The following FRMPD3 variants were observed in gnomAD, a reference collection of about 807,000 sequenced individuals.
The protein encoded by FRMPD3 is FERM and PDZ domain-containing protein 3.
In FRMPD3, 42 loss-of-function variants were observed where a neutral mutation model predicts 97.9. The observed-to-expected ratio is 0.43, with a 90% confidence interval of 0.34 to 0.55. The LOEUF is 0.55. FRMPD3 is among the 20% of genes least tolerant of loss of function. FRMPD3 has a pLI of 0.03. For synonymous variants in FRMPD3, 577 were observed against 581.1 expected, an observed-to-expected ratio of 0.99 and a Z score of 0.10; for missense variants, 1,303 against 1,457.7, an observed-to-expected ratio of 0.89 and a Z score of 1.73.
intron 13 of FRMPD3, among the ~76,000 whole-genome samples, chrX:107,587,971 C>T (rs1923734066): frequency 1.8e-5 from 2 of 110,482 alleles, no homozygotes; most frequent in South Asian, 7.8e-4. Flanking sequence ...GAGAGAGTTT[C>T]ACCATGTTGG....
chrX:107,473,003 T>C (rs1278123949), intron 1 of FRMPD3, among the ~76,000 whole-genome samples: 1 of 112,363 alleles, frequency 8.9e-6, no homozygotes, highest in Non-Finnish European at 1.9e-5. Context: ...GGGGCAGGTC[T>C]CTCCTGGAAC....
chrX:107,599,291 AAAGAG>A (rs1040887803), intron 14 of FRMPD3, among the ~76,000 whole-genome samples: 1 of 111,348 alleles, frequency 9.0e-6, no homozygotes, highest in Non-Finnish European at 1.9e-5. Flanking sequence ...AAGAAAAAAG[AAAGAG>A]AAGAGGTAAA....
intron 13 of FRMPD3, among the ~76,000 whole-genome samples, chrX:107,576,921 G>GA (rs1923143229): frequency 9.1e-6 from 1 of 110,489 alleles, no homozygotes; most frequent in Non-Finnish European, 1.9e-5. Context: ...GATGCAGTAA[G>GA]TGCTCCCCAA....
At chrX:107,597,242 A>G in intron 13 of FRMPD3, 79 bp from the exon 14 acceptor site, 1 of 875,200 alleles carries the variant, frequency 1.1e-6, no homozygotes, top group Non-Finnish European at 1.6e-6. Context: ...CTACAGAGAC[A>G]TGGGCCAGAG....
In FRMPD3 at chrX:107,533,534, T is replaced by G; in HGVS notation, c.281T>G (p.Val94Gly). 1.7e-6 allele frequency: 2 copies of G among 1,208,113 alleles called. No individual in the cohort carries two copies. Among genetic ancestry groups the G allele is most frequent in the Non-Finnish European group, 2.2e-6 (2 of 893,407 alleles). The change falls in exon 4 of 15, where the codon GTT (valine) becomes GGT (glycine). Residue 94 changes from valine to glycine, a missense_variant. By Grantham distance (109) the Val-to-Gly change is moderately radical. Coordinates refer to ENST00000683843, the MANE Select transcript of FRMPD3 (RefSeq NM_001388459.1). ...RSAKEFIVLT[V>G]LHTHQSPKSA... The stretch of plus-strand genomic sequence containing the variant: ...GCTAAGGAATTCATCGTTCTTACAG[T>G]TCTGCACACTCATCAGGTGAGTGAG...
intron 1 of FRMPD3, among the ~76,000 whole-genome samples, chrX:107,486,240 A>G (rs73521091): frequency 0.016 from 1,834 of 112,145 alleles, 32 homozygotes; most frequent in African/African-American, 0.057. Flanking sequence ...AATGGGCTCA[A>G]CTGTTCCAGA....
chrX:107,483,765 G>GAAC (rs1246372888), intron 1 of FRMPD3, among the ~76,000 whole-genome samples: 1 of 111,592 alleles, frequency 9.0e-6, no homozygotes, highest in African/African-American at 3.3e-5. Flanking sequence ...GTCACAGCCA[G>GAAC]AACACATCCT....
At chrX:107,511,887 C>T (rs5962841) in intron 1 of FRMPD3, among the ~76,000 whole-genome samples, 9 of 112,138 alleles carry the variant, frequency 8.0e-5, no homozygotes, top group African/African-American at 2.9e-4. Flanking sequence ...GCTCTGCAGC[C>T]CAGCTTGGCC....
intron 12 of FRMPD3, among the ~76,000 whole-genome samples, chrX:107,573,974 G>A (rs182536782): frequency 8.9e-6 from 1 of 112,304 alleles, no homozygotes; most frequent in East Asian, 2.8e-4. Context: ...GGGCGAGGAG[G>A]TTGCACATGA....
At chrX:107,560,643 G>T (rs1922316299) in intron 9 of FRMPD3, 84 bp from the exon 10 acceptor site, 2 of 1,050,537 alleles carry the variant, frequency 1.9e-6, no homozygotes, top group Admixed American at 3.0e-5. Flanking sequence ...CTACCTCTCA[G>T]ATTCAGTCAA....
intron 12 of FRMPD3, among the ~76,000 whole-genome samples, chrX:107,570,065 AAAG>A (rs1443203401): frequency 1.9e-5 from 2 of 103,931 alleles, no homozygotes; most frequent in Non-Finnish European, 3.9e-5. Context: ...AGAGAAAAGA[AAAG>A]AAAAGAAAGG....
At chrX:107,505,769 A>G (rs1922015897) in intron 1 of FRMPD3, among the ~76,000 whole-genome samples, 1 of 112,763 alleles carries the variant, frequency 8.9e-6, no homozygotes, top group Admixed American at 9.3e-5. Flanking sequence ...TTGCCAAGGC[A>G]TGAAGATTGG....
chrX:107,582,720 C>A (rs766211574), intron 13 of FRMPD3, among the ~76,000 whole-genome samples: 1 of 112,606 alleles, frequency 8.9e-6, no homozygotes, highest in East Asian at 2.8e-4. Context: ...CTGCCTTGAT[C>A]TATACGTCTA....
intron 4 of FRMPD3, among the ~76,000 whole-genome samples, chrX:107,541,195 A>G (rs2147567056): frequency 8.8e-6 from 1 of 113,218 alleles, no homozygotes; most frequent in East Asian, 2.8e-4. Context: ...GGGCCTTCCC[A>G]ATTCTCAACA....
In FRMPD3 at chrX:107,601,349, G is replaced by A. The variant is rs1219682406; in HGVS notation, c.3310G>A (p.Gly1104Arg). 2 of 1,205,529 alleles carry A rather than the reference G, an allele frequency of 1.7e-6. No individual in the cohort carries two copies. The highest frequency in any genetic ancestry group is 2.2e-6 in the Non-Finnish European group (2 of 892,936). Residue 1104 changes from glycine to arginine, a missense_variant, in exon 15 of 15, where the codon GGG (glycine) becomes AGG (arginine). Gly to Arg is a moderately radical substitution (Grantham distance 125, BLOSUM62 -2). Around this residue, in one of 3 missense-constraint regions of FRMPD3, gnomAD observed 764 missense variants for 820.2 expected, o/e 0.93. Transcript: ENST00000683843. ...GAAGCAGGGCACCATCTCCAGCCAA[G>A]GGGAGAAGGCGCAGCTGGAGAGCAC... The part of the protein sequence containing the change: ...LQKQGTISSQ[G>R]EKAQLESTPK...
At chrX:107,523,279 G>C (rs780775737) in intron 1 of FRMPD3, among the ~76,000 whole-genome samples, 1 of 112,048 alleles carries the variant, frequency 8.9e-6, no homozygotes, top group Non-Finnish European at 1.9e-5. Flanking sequence ...TGTGAGGAAA[G>C]GGCTGCTTGC....
At position 107,509,936 on chromosome X, in the gene FRMPD3, T is replaced by TAATG. The variant is rs932966583; in HGVS notation, c.-7-16629_-7-16626dup. On this transcript the variant is annotated intron_variant, in intron 1 of 14. Transcript: ENST00000683843. Reference sequence around the variant, plus strand: ...CTCAGTAAACTTTTATTACATATATTAATGAATGAATGAATGAATGCTATC... The same window carrying TAATG: ...CTCAGTAAACTTTTATTACATATATTAATGAATGAATGAATGAATGAATGCTATC... 6.3e-5 allele frequency among the ~76,000 whole-genome samples: 7 copies of TAATG among 111,067 alleles called. No homozygotes were observed. The East Asian group carries it at 1.1e-3, about 18-fold the overall frequency.
At chrX:107,573,681 G>C (rs1468586394) in intron 12 of FRMPD3, among the ~76,000 whole-genome samples, 1 of 112,067 alleles carries the variant, frequency 8.9e-6, no homozygotes, top group Non-Finnish European at 1.9e-5. Flanking sequence ...CTCCATAGGA[G>C]CATCACTAAC....
chrX:107,460,802 T>C, intron 1 of FRMPD3, among the ~76,000 whole-genome samples: 1 of 111,733 alleles, frequency 8.9e-6, no homozygotes. Context: ...CTCACAGGGC[T>C]GACAAGGGTC....
Sources: gnomAD v4.1 joint callset for allele counts (sites outside exome capture counted in the v4.1 genomes callset) on GRCh38, gnomAD v4.1.1 for gene constraint, gnomAD v4.1.1 regional missense constraint, MANE v1.5 for transcripts, NCBI Gene and HGNC (gene_info 2026-07-23, HGNC 2026-07-21) for gene names.